The following MRPL18 variants were observed in gnomAD, a reference collection of about 807,000 sequenced individuals.
MRPL18 encodes the protein mitochondrial ribosomal protein L18, also known as large ribosomal subunit protein uL18m.
In MRPL18, 16 loss-of-function variants were observed where a neutral mutation model predicts 20.9. That is an observed-to-expected ratio of 0.76 (90% CI 0.52 to 1.16). MRPL18 has a LOEUF of 1.16. MRPL18 is among the 50% of genes most tolerant of loss of function. MRPL18 has a pLI of 0.00. For synonymous variants in MRPL18, 91 were observed against 87.1 expected, an observed-to-expected ratio of 1.04 and a Z score of -0.25; for missense variants, 233 against 230.6, an observed-to-expected ratio of 1.01 and a Z score of -0.07.
chr6:159,791,145 G>A lies in MRPL18; in HGVS notation c.239+19G>A, dbSNP rs776375598. The A allele has an allele frequency of 1.9e-6, 3 of 1,613,654 alleles. No individual in the cohort carries two copies. The African/African-American group carries it at 4.0e-5, about 22-fold the overall frequency. ...GGCACAGGTAATTAAATCTGCTTGTGATTGACAAGGGCAGTGCACCCTACA... is the reference window on the plus strand; with the variant it reads ...GGCACAGGTAATTAAATCTGCTTGTAATTGACAAGGGCAGTGCACCCTACA... On this transcript the variant is annotated intron_variant, in intron 2 of 3. Coordinates refer to ENST00000367034, the MANE Select transcript of MRPL18 (RefSeq NM_014161.5).
Position 159,790,575 on chromosome 6 carries a change from G to C in MRPL18, c.-13G>C, listed in dbSNP as rs766141005. 1 of 1,612,762 alleles carries C rather than the reference G, an allele frequency of 6.2e-7. No individual in the cohort carries two copies. Among genetic ancestry groups the C allele is most frequent in the Non-Finnish European group, 8.5e-7 (1 of 1,179,742 alleles). ...GGAAAAAGAGGCGAGGCTTTTCCGA[G>C]ATCGTCTCAGCGATGGCGCTTCGGT... On this transcript the variant is annotated 5_prime_UTR_variant, in exon 1 of 4. Coordinates refer to ENST00000367034, the MANE Select transcript of MRPL18 (RefSeq NM_014161.5).
intron 2 of MRPL18, among the ~76,000 whole-genome samples, chr6:159,795,505 A>C (rs1373445411): frequency 2.0e-5 from 3 of 152,214 alleles, no homozygotes; most frequent in African/African-American, 2.4e-5. Flanking sequence ...CATCTTGCAC[A>C]ACCCTTAATC....
intron 2 of MRPL18, among the ~76,000 whole-genome samples, chr6:159,791,736 C>G (rs62439372): frequency 6.6e-6 from 1 of 152,114 alleles, no homozygotes; most frequent in Non-Finnish European, 1.5e-5. Flanking sequence ...GAAACCCCGT[C>G]TCTACTAAAA....
In MRPL18 at chr6:159,791,771, G is replaced by T. The variant is rs945441626; in HGVS notation, c.239+645G>T. 1.3e-5 allele frequency among the ~76,000 whole-genome samples: 2 copies of T among 152,266 alleles called. 1 individual carries two copies. The highest frequency in any genetic ancestry group is 6.8e-3 in the Middle Eastern group (2 of 294). ...AATATAAAAATTAGAGGGGCGTGGT[G>T]GTGCACGCCTGTAATCCCAGCTACT... On this transcript the variant is annotated intron_variant, in intron 2 of 3. Coordinates refer to ENST00000367034, the MANE Select transcript of MRPL18 (RefSeq NM_014161.5).
chr6:159,798,313 C>T lies in MRPL18; in HGVS notation c.*190C>T, dbSNP rs1460072557. On this transcript the variant is annotated 3_prime_UTR_variant, in exon 4 of 4. Coordinates refer to ENST00000367034, the MANE Select transcript of MRPL18 (RefSeq NM_014161.5). ...TTTAAATCAAGAACTACGTTCTGCC[C>T]CTCTCTTGGGCTTCAGAAGCATCTA... is the stretch of plus-strand genomic sequence containing the variant. The T allele has an allele frequency of 8.2e-6, 4 of 486,146 alleles. No homozygotes were observed. The highest frequency in any genetic ancestry group is 1.4e-5 in the Non-Finnish European group (4 of 276,584). The allele number at this position is 486,146 out of a possible 1,614,324, so 30.1% of individuals were successfully genotyped here.
At chr6:159,794,243 C>T (rs568868843) in intron 2 of MRPL18, among the ~76,000 whole-genome samples, 37 of 152,318 alleles carry the variant, frequency 2.4e-4, no homozygotes, top group African/African-American at 8.7e-4. Context: ...ACCCCAAGCA[C>T]GCACTTAAAA....
intron 2 of MRPL18, among the ~76,000 whole-genome samples, chr6:159,794,986 CAT>C (rs368056973): frequency 3.7e-3 from 570 of 152,330 alleles, no homozygotes; most frequent in Middle Eastern, 0.014. Flanking sequence ...AGCAGACAAA[CAT>C]GTGAACAAAG....
chr6:159,795,058 A>G (rs1019488261), intron 2 of MRPL18, among the ~76,000 whole-genome samples: 1 of 152,262 alleles, frequency 6.6e-6, no homozygotes, highest in Admixed American at 6.5e-5. Context: ...ATGCATACAC[A>G]TAAACATCTC....
chr6:159,798,113 T>C lies in MRPL18; in HGVS notation c.533T>C (p.Ile178Thr), dbSNP rs140078258. The C allele has an allele frequency of 2.1e-5, 34 of 1,611,924 alleles. No homozygotes were observed. Among genetic ancestry groups the C allele is most frequent in the Admixed American group, 1.5e-4 (9 of 59,962 alleles). ...GGVVLREPQR[I>T]YE ...GTGGTTCTACGGGAACCTCAGAGAA[T>C]CTATGAATAAATGGAAGCATTAATT... The change falls in exon 4 of 4, where the codon ATC (isoleucine) becomes ACC (threonine). Residue 178 changes from isoleucine (I) to threonine (T), a missense_variant. By Grantham distance (89) the Ile-to-Thr change is moderately conservative (BLOSUM62 -1). Coordinates refer to ENST00000367034, the MANE Select transcript of MRPL18 (RefSeq NM_014161.5).
chr6:159,797,969 G>C, intron 3 of MRPL18, 83 bp from the exon 4 acceptor site: 1 of 1,141,306 alleles, frequency 8.8e-7, no homozygotes, highest in East Asian at 2.5e-5. Context: ...ATTTATTTCT[G>C]TCTTTTGGAA....
At chr6:159,790,746 C>T (rs1346735978) in intron 1 of MRPL18, 107 bp downstream of exon 1, 2 of 1,489,016 alleles carry the variant, frequency 1.3e-6, no homozygotes, top group Non-Finnish European at 1.8e-6. Flanking sequence ...CGAAATAGAG[C>T]TCGCGGCACT....
At chr6:159,796,459 G>C (rs1274178832) in intron 2 of MRPL18, among the ~76,000 whole-genome samples, 1 of 149,536 alleles carries the variant, frequency 6.7e-6, no homozygotes, top group Non-Finnish European at 1.5e-5. Flanking sequence ...TAGCCTGAGA[G>C]ACAGAGGCAG....
Position 159,790,527 on chromosome 6 carries a change from G to C in MRPL18, c.-61G>C. 6.2e-7 allele frequency: 1 copy of C among 1,611,302 alleles called. No individual in the cohort carries two copies. Among genetic ancestry groups the C allele is most frequent in the South Asian group, 1.1e-5 (1 of 91,002 alleles). ...CCCTGACTTTATATGGCTGCTCCTG[G>C]CGAGCGACTGAGTCGTCCGTGAGGA... On this transcript the variant is annotated 5_prime_UTR_variant, in exon 1 of 4. Transcript: ENST00000367034.
At position 159,790,808 on chromosome 6, in the gene MRPL18, G is replaced by C. The variant is rs189062652; in HGVS notation, c.53-132G>C. ...ACGGGGTCAGTGCTGACTCCACCCT[G>C]TGGGCATACGTATTTTTCGTCCCCT... On this transcript the variant is annotated intron_variant, in intron 1 of 3. Transcript: ENST00000367034. 11 of 1,371,398 alleles carry C rather than the reference G, an allele frequency of 8.0e-6. 2 individuals are homozygous for C. In the Admixed American group the frequency reaches 2.2e-4, roughly 28 times the overall value. 85.0% of individuals were successfully genotyped at this position (1,371,398 alleles called of 1,614,324 possible).
At chr6:159,795,962 T>G (rs1246901207) in intron 2 of MRPL18, among the ~76,000 whole-genome samples, 1 of 151,938 alleles carries the variant, frequency 6.6e-6, no homozygotes, top group African/African-American at 2.4e-5. Context: ...TTTTTCTATT[T>G]TTTGTAGAGA....
chr6:159,792,404 C>T (rs927451), intron 2 of MRPL18, among the ~76,000 whole-genome samples: 11 of 151,878 alleles, frequency 7.2e-5, no homozygotes, highest in Non-Finnish European at 1.6e-4. Context: ...GTATCACTTG[C>T]TAGGCATTGC....
chr6:159,791,486 T>TG (rs1780897873), intron 2 of MRPL18, among the ~76,000 whole-genome samples: 1 of 152,108 alleles, frequency 6.6e-6, no homozygotes, highest in South Asian at 2.1e-4. Flanking sequence ...AAGATGAACA[T>TG]GGAGGGGTAA....
In MRPL18 at chr6:159,792,086, T is replaced by C. The variant is rs180715529; in HGVS notation, c.239+960T>C. Among the ~76,000 whole-genome samples, 250 of 152,302 alleles carry C rather than the reference T, an allele frequency of 1.6e-3. 4 individuals carry two copies. Among genetic ancestry groups the C allele is most frequent in the Admixed American group, 0.015 (231 of 15,296 alleles). On this transcript the variant is annotated intron_variant, in intron 2 of 3. Coordinates refer to ENST00000367034, the MANE Select transcript of MRPL18 (RefSeq NM_014161.5). ...TTCTCATTTAATCCTTAAAATTACATCATGAAGCAGTTATAATTTCCCCCA... is the reference window on the plus strand; with the variant it reads ...TTCTCATTTAATCCTTAAAATTACACCATGAAGCAGTTATAATTTCCCCCA...
At chr6:159,790,834 C>G (rs1006787540) in intron 1 of MRPL18, 106 bp from the exon 2 acceptor site, 4 of 1,454,354 alleles carry the variant, frequency 2.8e-6, no homozygotes, top group African/African-American at 2.8e-5. Context: ...TTCGTCCCCT[C>G]GGGCCTAAAG....
Sources: allele counts gnomAD v4.1 joint callset (sites outside exome capture counted in the v4.1 genomes callset), GRCh38; gene constraint gnomAD v4.1.1; transcripts MANE v1.5; gene names NCBI Gene and HGNC (gene_info 2026-07-23, HGNC 2026-07-21).